Variants in POFUT4 observed in about 807,000 individuals in gnomAD.
POFUT4 encodes the protein protein O-fucosyltransferase 4, also known as GDP-fucose protein O-fucosyltransferase 4.
chr10:73,779,563 CAAAAAAA>C, the POFUT4 span: 5 of 136,490 alleles, frequency 3.7e-5, no homozygotes, highest in African/African-American at 1.4e-4. Context: ...AACTCCATTT[CAAAAAAA>C]AAAAAAAAAT....
At chr10:73,777,174 ATCC>A in the POFUT4 span, among the ~76,000 whole-genome samples, 1 of 152,210 alleles carries the variant, frequency 6.6e-6, no homozygotes, top group Non-Finnish European at 1.5e-5. Context: ...GTATTGCCCT[ATCC>A]TCTTTTTGAT....
chr10:73,773,794 A>T, the POFUT4 span: 3 of 1,582,754 alleles, frequency 1.9e-6, no homozygotes, highest in Non-Finnish European at 2.6e-6. Flanking sequence ...GGCAATGTGG[A>T]AGAGATTCCT....
the POFUT4 span, among the ~76,000 whole-genome samples, chr10:73,776,855 A>T: frequency 1.3e-5 from 2 of 152,034 alleles, no homozygotes; most frequent in African/African-American, 4.8e-5. Flanking sequence ...AATTTTTTGT[A>T]TTTCTAGTAG....
chr10:73,778,973 T>C, the POFUT4 span: 1 of 147,780 alleles, frequency 6.8e-6, no homozygotes, highest in African/African-American at 2.5e-5. Context: ...ACCCCATCTC[T>C]ACAAAAAACA....
chr10:73,775,506 A>C, the POFUT4 span: 1 of 1,614,264 alleles, frequency 6.2e-7, no homozygotes, highest in Non-Finnish European at 8.5e-7. Context: ...ACTATGCTGC[A>C]GTTCCATAAT....
At chr10:73,776,189 A>G in the POFUT4 span, 2 of 152,200 alleles carry the variant, frequency 1.3e-5, no homozygotes, top group African/African-American at 2.4e-5. Context: ...CCGGAGTTGG[A>G]TTTTTTTATA....
At chr10:73,772,430 G>A in the POFUT4 span, 2 of 1,567,006 alleles carry the variant, frequency 1.3e-6, no homozygotes, top group South Asian at 1.2e-5. Flanking sequence ...GAGGGAGGCC[G>A]GCGGGGAGGC....
the POFUT4 span, among the ~76,000 whole-genome samples, chr10:73,776,712 TG>T: frequency 6.6e-6 from 1 of 152,152 alleles, no homozygotes; most frequent in African/African-American, 2.4e-5. Flanking sequence ...GATGGAGTCT[TG>T]CTTTGTCACC....
At chr10:73,774,313 T>C in the POFUT4 span, 1 of 152,554 alleles carries the variant, frequency 6.6e-6, no homozygotes, top group Non-Finnish European at 1.5e-5. Context: ...TAATTTTTTT[T>C]TTTAAGCGGC....
the POFUT4 span, chr10:73,772,571 T>A: frequency 6.3e-7 from 1 of 1,588,618 alleles, no homozygotes; most frequent in Non-Finnish European, 8.6e-7. Flanking sequence ...GGTACTGCTG[T>A]GGTGGAGCCC....
the POFUT4 span, chr10:73,773,514 G>A: frequency 6.2e-7 from 1 of 1,614,192 alleles, no homozygotes; most frequent in Non-Finnish European, 8.5e-7. Context: ...CAAGAATGAT[G>A]AGGAGTATAT....
chr10:73,772,878 A>G, the POFUT4 span: 1 of 1,612,178 alleles, frequency 6.2e-7, no homozygotes, highest in Non-Finnish European at 8.5e-7. Flanking sequence ...CTGTCGCTGC[A>G]GTGGCTGCCC....
chr10:73,772,520 G>A, the POFUT4 span: 16 of 1,563,420 alleles, frequency 1.0e-5, no homozygotes, highest in African/African-American at 2.0e-4. Context: ...GCGCAGCTCT[G>A]GGACGCCGCG....
chr10:73,775,520 A>ACC, the POFUT4 span: 1 of 1,613,792 alleles, frequency 6.2e-7, no homozygotes, highest in Non-Finnish European at 8.5e-7. Flanking sequence ...CCATAATCCA[A>ACC]CCCCCATTTT....
chr10:73,779,051 G>A, the POFUT4 span: 1 of 146,794 alleles, frequency 6.8e-6, no homozygotes, highest in African/African-American at 2.6e-5. Context: ...GAAGTGGGAG[G>A]ATCGCCACTG....
chr10:73,775,767 A>G, the POFUT4 span: 4 of 1,367,876 alleles, frequency 2.9e-6, no homozygotes, highest in Non-Finnish European at 4.1e-6. Flanking sequence ...CCACTGCACA[A>G]ACCCTTAATG....
At chr10:73,777,499 T>G in the POFUT4 span, among the ~76,000 whole-genome samples, 1 of 152,188 alleles carries the variant, frequency 6.6e-6, no homozygotes, top group South Asian at 2.1e-4. Context: ...CTTTTCACTT[T>G]AAGTGCAATG....
the POFUT4 span, chr10:73,772,955 T>C: frequency 6.2e-7 from 1 of 1,605,994 alleles, no homozygotes; most frequent in South Asian, 1.1e-5. Flanking sequence ...CCGCCGCGGC[T>C]ACGCGCCGCT....
chr10:73,773,882 G>A, the POFUT4 span: 3 of 1,484,870 alleles, frequency 2.0e-6, no homozygotes, highest in South Asian at 1.3e-5. Context: ...GGGCAATTAA[G>A]TAGCACTAGG....
Sources: allele counts gnomAD v4.1 joint callset (sites outside exome capture counted in the v4.1 genomes callset), GRCh38; gene constraint gnomAD v4.1.1; transcripts MANE v1.5; gene names NCBI Gene and HGNC (gene_info 2026-07-23, HGNC 2026-07-21).